PHKB: variants seen among roughly 807,000 people sequenced by gnomAD.
PHKB encodes the protein phosphorylase b kinase regulatory subunit beta.
PHKB carries 122 observed loss-of-function variants against 152.1 expected under a neutral mutation model. That is an observed-to-expected ratio of 0.80 (90% CI 0.69 to 0.93). The LOEUF (loss-of-function observed/expected upper bound fraction) is 0.93. Ranked by LOEUF, PHKB falls within the 40% of genes least tolerant of loss-of-function variation. The pLI, the probability that PHKB is intolerant of heterozygous loss-of-function variation, is 0.00. For synonymous variants in PHKB, 436 were observed against 464.9 expected (o/e 0.94, Z 0.80); for missense variants, 1,304 against 1,328.4 (o/e 0.98, Z 0.29).
chr16:47,698,404 T>C (rs906254558), intron 29 of PHKB, 44 bp from the exon 30 acceptor site: 1 of 1,470,164 alleles, frequency 6.8e-7, no homozygotes, highest in Non-Finnish European at 9.5e-7. Flanking sequence ...AACATGTCAC[T>C]ATTATGGTTC....
At chr16:47,499,532 G>A (rs1970288543) in intron 2 of PHKB, among the ~76,000 whole-genome samples, 1 of 152,184 alleles carries the variant, frequency 6.6e-6, no homozygotes, top group South Asian at 2.1e-4. Flanking sequence ...CTAATTAGCT[G>A]AGTCCTTTCC....
At chr16:47,488,233 C>G (rs974170783) in intron 1 of PHKB, among the ~76,000 whole-genome samples, 2 of 152,110 alleles carry the variant, frequency 1.3e-5, no homozygotes, top group African/African-American at 2.4e-5. Flanking sequence ...CTGCATGTAT[C>G]TCTTCTTTGG....
chr16:47,558,730 G>C (rs1288705705), intron 7 of PHKB, among the ~76,000 whole-genome samples: 2 of 152,206 alleles, frequency 1.3e-5, no homozygotes, highest in African/African-American at 4.8e-5. Context: ...TGTATTTGTA[G>C]TAGAGACAGG....
intron 13 of PHKB, among the ~76,000 whole-genome samples, chr16:47,606,849 A>G (rs529655515): frequency 3.3e-5 from 5 of 152,292 alleles, no homozygotes; most frequent in Admixed American, 3.3e-4. Context: ...AGAACCACAG[A>G]CTTAGTGCCT....
intron 6 of PHKB, among the ~76,000 whole-genome samples, chr16:47,524,296 G>A (rs534014090): frequency 6.6e-6 from 1 of 152,188 alleles, no homozygotes; most frequent in Admixed American, 6.5e-5. Context: ...TACTGCCAAA[G>A]AAAACCTTTT....
chr16:47,474,264 C>G (rs147223201), intron 1 of PHKB, among the ~76,000 whole-genome samples: 1 of 152,294 alleles, frequency 6.6e-6, no homozygotes, highest in East Asian at 1.9e-4. Flanking sequence ...ACATGGCCCT[C>G]CTTTTTGGCA....
chr16:47,670,281 G>T (rs1973615810), intron 26 of PHKB, among the ~76,000 whole-genome samples: 1 of 152,152 alleles, frequency 6.6e-6, no homozygotes, highest in Non-Finnish European at 1.5e-5. Context: ...TGTTTGAAAA[G>T]AATATACATT....
intron 1 of PHKB, among the ~76,000 whole-genome samples, chr16:47,475,226 A>G (rs1969848416): frequency 6.6e-6 from 1 of 152,234 alleles, no homozygotes; most frequent in Non-Finnish European, 1.5e-5. Context: ...AATTAAGGAC[A>G]AGAGACTAAA....
intron 6 of PHKB, among the ~76,000 whole-genome samples, chr16:47,544,070 TTTG>T (rs2151670233): frequency 6.6e-6 from 1 of 152,338 alleles, no homozygotes; most frequent in South Asian, 2.1e-4. Context: ...TGAAGGATTT[TTTG>T]TTTCTCTATC....
At chr16:47,689,288 G>C in intron 27 of PHKB, 113 bp downstream of exon 27, 1 of 1,040,932 alleles carries the variant, frequency 9.6e-7, no homozygotes, top group Non-Finnish European at 1.5e-6. Context: ...AAATTCAACA[G>C]AGTGTCAGAG....
At chr16:47,613,029 C>T (rs572877351) in intron 14 of PHKB, among the ~76,000 whole-genome samples, 5 of 152,128 alleles carry the variant, frequency 3.3e-5, no homozygotes, top group Non-Finnish European at 5.9e-5. Flanking sequence ...TGCTTTAAAC[C>T]CTACCACAAA....
At position 47,699,497 on chromosome 16, in the gene PHKB, C is replaced by T. The variant is rs1299652923; in HGVS notation, c.*131C>T. The T allele has an allele frequency of 7.8e-6, 8 of 1,025,018 alleles. No homozygotes were observed. Among genetic ancestry groups the T allele is most frequent in the East Asian group, 2.4e-5 (1 of 42,174 alleles). 63.5% of individuals were successfully genotyped at this position (1,025,018 alleles called of 1,614,324 possible). On this transcript the variant is annotated 3_prime_UTR_variant, in exon 31 of 31. Coordinates refer to ENST00000323584, the MANE Select transcript of PHKB (RefSeq NM_000293.3). ...GGGGAGGTGAATGCCACATCCTTGGCGGGGTTATGGACCTCTTGCATGTCA... is the reference window on the plus strand; with the variant it reads ...GGGGAGGTGAATGCCACATCCTTGGTGGGGTTATGGACCTCTTGCATGTCA...
Position 47,661,757 on chromosome 16 carries a change from T to C in PHKB, c.2235T>C (p.Gly745=). 1 of 1,613,574 alleles carries C rather than the reference T, an allele frequency of 6.2e-7. No individual in the cohort carries two copies. The highest frequency in any genetic ancestry group is 1.1e-5 in the South Asian group (1 of 91,070). The change falls in exon 23 of 31, where the codon GGT becomes GGC. Residue 745 remains glycine (G), a synonymous_variant. Transcript: ENST00000323584. ...SCLASQAILL[G]ILLKREGPNF... is the part of the protein sequence containing the mutation. ...TGGCTAGCCAAGCCATCCTGCTGGGTATACTGCTCAAAAGAGAAGGCCCCA... is the reference window on the plus strand; with the variant it reads ...TGGCTAGCCAAGCCATCCTGCTGGGCATACTGCTCAAAAGAGAAGGCCCCA...
At chr16:47,524,187 T>C (rs536868718) in intron 6 of PHKB, among the ~76,000 whole-genome samples, 1 of 152,302 alleles carries the variant, frequency 6.6e-6, no homozygotes, top group South Asian at 2.1e-4. Flanking sequence ...GTGTGAACAA[T>C]TGGATTTCCT....
intron 27 of PHKB, among the ~76,000 whole-genome samples, chr16:47,691,483 T>C (rs765560564): frequency 1.6e-4 from 24 of 152,276 alleles, no homozygotes; most frequent in South Asian, 4.1e-4. Flanking sequence ...AGCAGGCAGA[T>C]TGCTTGAGCC....
At position 47,603,755 on chromosome 16, in the gene PHKB, T is replaced by TAAAG. The variant is rs1972276654; in HGVS notation, c.1364-7071_1364-7070insAAAG. 1.2e-4 allele frequency among the ~76,000 whole-genome samples: 18 copies of TAAAG among 152,302 alleles called. 1 individual carries two copies. The highest frequency in any genetic ancestry group is 1.1e-3 in the Admixed American group (17 of 15,298). On this transcript the variant is annotated intron_variant, in intron 13 of 30. Coordinates refer to ENST00000323584, the MANE Select transcript of PHKB (RefSeq NM_000293.3). ...CCTGAGCTCGGGCAATCTGCCCGCC[T>TAAAG]TGGCCTCCCAAAGTGCTGGGATTAC... is the stretch of plus-strand genomic sequence containing the variant.
intron 14 of PHKB, among the ~76,000 whole-genome samples, chr16:47,627,849 A>G (rs1384620547): frequency 6.6e-6 from 1 of 152,216 alleles, no homozygotes; most frequent in Non-Finnish European, 1.5e-5. Context: ...GGCTGTGTTC[A>G]AACTACTGTA....
At chr16:47,518,715 C>G (rs1379223079) in intron 6 of PHKB, among the ~76,000 whole-genome samples, 2 of 152,068 alleles carry the variant, frequency 1.3e-5, no homozygotes, top group Admixed American at 1.3e-4. Context: ...TAGTTCTGCC[C>G]TTGTACTGCT....
intron 1 of PHKB, chr16:47,462,967 T>G (rs1969600265): frequency 6.6e-6 from 1 of 152,624 alleles, no homozygotes; most frequent in Non-Finnish European, 1.5e-5. Context: ...TGTTTCACAC[T>G]TTTTCTTAAA....
Sources: allele counts gnomAD v4.1 joint callset (sites outside exome capture counted in the v4.1 genomes callset), GRCh38; gene constraint gnomAD v4.1.1; transcripts MANE v1.5; gene names NCBI Gene and HGNC (gene_info 2026-07-23, HGNC 2026-07-21).